EXOC4: variants seen among roughly 807,000 people sequenced by gnomAD.
EXOC4 encodes exocyst complex component 4.
In EXOC4, 71 loss-of-function variants were observed where a neutral mutation model predicts 107.2. That is an observed-to-expected ratio of 0.66 (90% CI 0.55 to 0.81). EXOC4 has a LOEUF of 0.81. Among genes scored for constraint, EXOC4 ranks in the 30% least tolerant of loss-of-function variants. The probability of loss-of-function intolerance (pLI) is 0.00; values close to 1 mark genes in which losing one functional copy is unlikely to be tolerated. For missense variants in EXOC4, 1,108 were observed against 1,189.6 expected (o/e 0.93, Z 1.01); for synonymous variants, 456 against 441.2 (o/e 1.03, Z -0.42).
chr7:133,935,576 T>C (rs1412251416), intron 13 of EXOC4, among the ~76,000 whole-genome samples: 1 of 152,192 alleles, frequency 6.6e-6, no homozygotes, highest in Non-Finnish European at 1.5e-5. Context: ...ATATGTAACA[T>C]ACTTCCTCCT....
At chr7:133,264,784 G>T (rs1264041756) in intron 1 of EXOC4, among the ~76,000 whole-genome samples, 1 of 152,028 alleles carries the variant, frequency 6.6e-6, no homozygotes, top group Non-Finnish European at 1.5e-5. Context: ...AGAATAATAG[G>T]CTTGGAAAAC....
chr7:133,404,305 G>A (rs1409013472), intron 7 of EXOC4, among the ~76,000 whole-genome samples: 3 of 151,944 alleles, frequency 2.0e-5, no homozygotes. Context: ...GGGTTTCACT[G>A]TGTTAGCTAG....
chr7:133,823,475 C>T (rs1156904869), intron 11 of EXOC4, among the ~76,000 whole-genome samples: 1 of 152,022 alleles, frequency 6.6e-6, no homozygotes, highest in Non-Finnish European at 1.5e-5. Flanking sequence ...CTTGATCTTT[C>T]TACTCCATCG....
chr7:133,885,335 G>A (rs1222369700), intron 11 of EXOC4, among the ~76,000 whole-genome samples: 4 of 151,314 alleles, frequency 2.6e-5, no homozygotes, highest in African/African-American at 9.7e-5. Flanking sequence ...AAAAGATACA[G>A]TGTAGTAATA....
intron 7 of EXOC4, among the ~76,000 whole-genome samples, chr7:133,422,188 C>A (rs1242138090): frequency 6.6e-6 from 1 of 152,136 alleles, no homozygotes; most frequent in Non-Finnish European, 1.5e-5. Context: ...GCTGGGCAGT[C>A]TGGCCATATA....
intron 5 of EXOC4, among the ~76,000 whole-genome samples, chr7:133,344,912 G>T (rs892321514): frequency 5.3e-5 from 8 of 152,118 alleles, no homozygotes; most frequent in Admixed American, 2.0e-4. Context: ...TCACTTGCTG[G>T]GATTAGGTGT....
At chr7:133,451,717 G>C (rs1282627984) in intron 7 of EXOC4, among the ~76,000 whole-genome samples, 1 of 152,136 alleles carries the variant, frequency 6.6e-6, no homozygotes, top group African/African-American at 2.4e-5. Flanking sequence ...AGTTCACCCA[G>C]CTGAACTGCC....
chr7:133,667,767 G>A (rs970699608), intron 10 of EXOC4, among the ~76,000 whole-genome samples: 2 of 152,100 alleles, frequency 1.3e-5, no homozygotes, highest in African/African-American at 4.8e-5. Context: ...TGTATTTCCA[G>A]GCTCACTCAC....
intron 9 of EXOC4, among the ~76,000 whole-genome samples, chr7:133,538,909 G>A (rs571427186): frequency 1.1e-4 from 16 of 149,382 alleles, no homozygotes; most frequent in African/African-American, 3.7e-4. Flanking sequence ...GGGAAGGAAG[G>A]AAGGAGGGAA....
At chr7:134,043,091 C>T (rs116434429) in intron 17 of EXOC4, among the ~76,000 whole-genome samples, 1,786 of 152,180 alleles carry the variant, frequency 0.012, 25 homozygotes, top group African/African-American at 0.04. Context: ...CTGCAGTCTC[C>T]CTCATGGGTT....
intron 7 of EXOC4, among the ~76,000 whole-genome samples, chr7:133,403,164 T>G (rs1797132142): frequency 6.6e-6 from 1 of 152,214 alleles, no homozygotes. Flanking sequence ...ATTGCAGGCG[T>G]GAGCCATCGT....
chr7:133,272,786 T>A (rs1584766944), intron 1 of EXOC4, among the ~76,000 whole-genome samples: 1 of 152,184 alleles, frequency 6.6e-6, no homozygotes, highest in Admixed American at 6.5e-5. Context: ...TAGGCCCAAT[T>A]TCCTCTCTAA....
At chr7:133,279,719 A>G (rs772101622) in intron 2 of EXOC4, among the ~76,000 whole-genome samples, 9 of 151,940 alleles carry the variant, frequency 5.9e-5, no homozygotes, top group African/African-American at 1.2e-4. Flanking sequence ...GGGTCTCCCT[A>G]TGTTACCCAG....
At chr7:133,922,160 G>A (rs1017765896) in intron 13 of EXOC4, among the ~76,000 whole-genome samples, 3 of 151,880 alleles carry the variant, frequency 2.0e-5, no homozygotes, top group African/African-American at 7.3e-5. Flanking sequence ...TTTTAATGAA[G>A]CATAATAAAT....
intron 16 of EXOC4, 131 bp from the exon 17 acceptor site, chr7:134,007,545 A>G: frequency 1.3e-6 from 1 of 750,686 alleles, no homozygotes; most frequent in Non-Finnish European, 2.0e-6. Context: ...TGCAACCATC[A>G]GAGGTAGATT....
intron 9 of EXOC4, among the ~76,000 whole-genome samples, chr7:133,615,864 T>C (rs1802181897): frequency 6.6e-6 from 1 of 152,194 alleles, no homozygotes; most frequent in Non-Finnish European, 1.5e-5. Flanking sequence ...GAATCACCAA[T>C]CTTTAAAGAA....
At chr7:133,917,145 G>A (rs1037684350) in intron 12 of EXOC4, among the ~76,000 whole-genome samples, 1 of 152,176 alleles carries the variant, frequency 6.6e-6, no homozygotes, top group Admixed American at 6.5e-5. Flanking sequence ...CTAATTGATA[G>A]TTTAAACCAA....
chr7:133,304,260 C>T (rs778337929), intron 3 of EXOC4, among the ~76,000 whole-genome samples: 1 of 152,144 alleles, frequency 6.6e-6, no homozygotes, highest in Non-Finnish European at 1.5e-5. Flanking sequence ...AGTTAAAATC[C>T]ATTTTAGGGC....
rs1442715284 is a variant in EXOC4 at position 133,954,686 on chromosome 7, G to A, written c.2206+16617G>A. Among the ~76,000 whole-genome samples the A allele has an allele frequency of 2.6e-5, 4 of 152,206 alleles. No homozygotes were observed. In the East Asian group the frequency reaches 7.7e-4, roughly 29 times the overall value. ...TGCCCGAGTTTTGCTCAGGACCACT[G>A]GGCTCACTTGACCTGGCAGGCTGTG... is the stretch of plus-strand genomic sequence containing the variant. On this transcript the variant is annotated intron_variant, in intron 14 of 17. Coordinates refer to ENST00000253861, the MANE Select transcript of EXOC4 (RefSeq NM_021807.4).
Sources: gnomAD v4.1 joint callset for allele counts (sites outside exome capture counted in the v4.1 genomes callset) on GRCh38, gnomAD v4.1.1 for gene constraint, MANE v1.5 for transcripts, NCBI Gene and HGNC (gene_info 2026-07-23, HGNC 2026-07-21) for gene names.